KIDINS220: variants seen among roughly 807,000 people sequenced by gnomAD.
KIDINS220 encodes the protein kinase D interacting substrate 220, also known as kinase D-interacting substrate of 220 kDa.
KIDINS220 carries 63 observed loss-of-function variants against 157.6 expected under a neutral mutation model. That is an observed-to-expected ratio of 0.40 (90% CI 0.33 to 0.49). KIDINS220 has a LOEUF of 0.49. KIDINS220 is among the 20% of genes least tolerant of loss of function. The pLI is 0.66. For synonymous variants in KIDINS220, 732 were observed against 783.6 expected (o/e 0.93, Z 1.10); for missense variants, 1,772 against 2,171.2 (o/e 0.82, Z 3.65).
chr2:8,813,298 C>G lies in KIDINS220; in HGVS notation c.344G>C (p.Gly115Ala), dbSNP rs1056481562. Residue 115 changes from glycine to alanine, a missense_variant, in exon 5 of 30, where the codon GGC becomes GCC. By Grantham distance (60) the Gly-to-Ala change is moderately conservative. Around this residue, in one of 3 missense-constraint regions of KIDINS220, gnomAD observed 254 missense variants for 268.6 expected, o/e 0.95. Coordinates refer to ENST00000256707, the MANE Select transcript of KIDINS220 (RefSeq NM_020738.4). Reference sequence around the variant, plus strand: ...AAGCAACTCTACTACGTCAGTACGGCCTTTGTAACATGCCCACATAAGAGC... The same window carrying G: ...AAGCAACTCTACTACGTCAGTACGGGCTTTGTAACATGCCCACATAAGAGC... ...WTALMWACYK[G>A]RTDVVELLLS... is the part of the protein sequence containing the mutation. 6.2e-7 allele frequency: 1 copy of G among 1,613,286 alleles called. No homozygotes were observed. The highest frequency in any genetic ancestry group is 8.5e-7 in the Non-Finnish European group (1 of 1,179,770).
intron 29 of KIDINS220, 139 bp from the exon 30 acceptor site, chr2:8,732,121 T>A: frequency 1.5e-6 from 1 of 660,490 alleles, no homozygotes; most frequent in Non-Finnish European, 2.3e-6. Flanking sequence ...GAATTCTACA[T>A]AACACAGATT....
chr2:8,824,215 G>A (rs1167836343), intron 2 of KIDINS220, among the ~76,000 whole-genome samples: 1 of 152,002 alleles, frequency 6.6e-6, no homozygotes, highest in Admixed American at 6.5e-5. Context: ...AAAAACATTA[G>A]CTATTATTCA....
Position 8,730,585 on chromosome 2 carries a change from CTT to C in KIDINS220, c.*133_*134del. On this transcript the variant is annotated 3_prime_UTR_variant, in exon 30 of 30. Transcript: ENST00000256707. ...CCCTTCTGTCACACTGCAGATGTCTCTTTTACCTCGGCCTCATCATCGGTTAG... is the reference window on the plus strand; with the variant it reads ...CCCTTCTGTCACACTGCAGATGTCTCTTACCTCGGCCTCATCATCGGTTAG... 6.9e-7 allele frequency: 1 copy of C among 1,440,830 alleles called. No individual in the cohort carries two copies. Among genetic ancestry groups the C allele is most frequent in the Non-Finnish European group, 9.1e-7 (1 of 1,104,280 alleles). The allele number at this position is 1,440,830 out of a possible 1,614,324, so 89.3% of individuals were successfully genotyped here.
At chr2:8,746,788 A>G in intron 26 of KIDINS220, 1 of 206,864 alleles carries the variant, frequency 4.8e-6, no homozygotes, top group Non-Finnish European at 9.7e-6. Flanking sequence ...TAGCAACCAC[A>G]GGCTTAACAA....
chr2:8,737,033 A>G (rs1371307927), intron 26 of KIDINS220, 34 bp from the exon 27 acceptor site: 1 of 1,609,638 alleles, frequency 6.2e-7, no homozygotes, highest in Non-Finnish European at 8.5e-7. Context: ...AGGTATGAAT[A>G]AGCATTTAAT....
intron 2 of KIDINS220, among the ~76,000 whole-genome samples, chr2:8,819,990 T>C (rs1207302890): frequency 1.3e-5 from 2 of 152,204 alleles, no homozygotes; most frequent in African/African-American, 4.8e-5. Context: ...TATATTAGTA[T>C]GGAGGGAAAA....
downstream of KIDINS220, among the ~76,000 whole-genome samples, chr2:8,727,489 C>T (rs2147927903): frequency 6.6e-6 from 1 of 152,320 alleles, no homozygotes; most frequent in Non-Finnish European, 1.5e-5. Context: ...CTATGGGATA[C>T]TTCTAAATAG....
At chr2:8,745,027 T>C (rs1017532467) in intron 26 of KIDINS220, among the ~76,000 whole-genome samples, 8 of 152,186 alleles carry the variant, frequency 5.3e-5, no homozygotes, top group Non-Finnish European at 1.2e-4. Flanking sequence ...GATTTCCCCT[T>C]CTCCAAAAAC....
chr2:8,807,962 A>G (rs1675727131), intron 6 of KIDINS220, among the ~76,000 whole-genome samples: 1 of 152,080 alleles, frequency 6.6e-6, no homozygotes, highest in Non-Finnish European at 1.5e-5. Flanking sequence ...TCTCTACTAA[A>G]AATACAAAAA....
chr2:8,783,328 C>G (rs1465732602), intron 17 of KIDINS220, among the ~76,000 whole-genome samples: 2 of 152,016 alleles, frequency 1.3e-5, no homozygotes, highest in African/African-American at 4.8e-5. Flanking sequence ...TAGAGAGGAA[C>G]TTCTTCAACT....
intron 28 of KIDINS220, 71 bp downstream of exon 28, chr2:8,734,584 A>G: frequency 9.1e-7 from 1 of 1,102,534 alleles, no homozygotes; most frequent in Non-Finnish European, 1.3e-6. Context: ...GGTTTTCTAC[A>G]ATGTTATAAA....
intron 4 of KIDINS220, among the ~76,000 whole-genome samples, chr2:8,816,973 C>A (rs1677165075): frequency 6.6e-6 from 1 of 152,174 alleles, no homozygotes; most frequent in Non-Finnish European, 1.5e-5. Context: ...CTTCAAAAAC[C>A]ATCATCAGCT....
chr2:8,774,277 C>T (rs1471060245), intron 21 of KIDINS220, among the ~76,000 whole-genome samples: 2 of 133,954 alleles, frequency 1.5e-5, no homozygotes, highest in South Asian at 2.3e-4. Flanking sequence ...GCCTGGGAGA[C>T]AGGGTGAGAC....
intron 2 of KIDINS220, 69 bp from the exon 3 acceptor site, chr2:8,818,862 T>C (rs1572791610): frequency 4.0e-6 from 3 of 742,958 alleles, no homozygotes; most frequent in South Asian, 3.8e-5. Flanking sequence ...CACAGTTAAA[T>C]ATACCACACA....
At position 8,793,902 on chromosome 2, in the gene KIDINS220, C is replaced by T. The variant is rs1477655273; in HGVS notation, c.1184G>A (p.Arg395Gln). ...TGCTTTGTTGGGCCTATAAAGTAAT[C>T]GCCCATCTTTGGGATTTCTTAAAAG... ...ELLLRNPKDG[R>Q]LLYRPNKAGE... Residue 395 changes from arginine (R) to glutamine (Q), a missense_variant, in exon 12 of 30, where the codon CGA (arginine) becomes CAA (glutamine). By Grantham distance (43) the Arg-to-Gln change is conservative (BLOSUM62 1). Coordinates refer to ENST00000256707, the MANE Select transcript of KIDINS220 (RefSeq NM_020738.4). 5 of 1,613,974 alleles carry T rather than the reference C, an allele frequency of 3.1e-6. No individual in the cohort carries two copies. The highest frequency in any genetic ancestry group is 2.2e-5 in the East Asian group (1 of 44,870).
chr2:8,813,961 A>T (rs2148380803), intron 4 of KIDINS220, among the ~76,000 whole-genome samples: 1 of 152,326 alleles, frequency 6.6e-6, no homozygotes, highest in Admixed American at 6.5e-5. Context: ...ATTTCTTCAG[A>T]AAACTTGCTA....
At chr2:8,808,654 T>C (rs917431694) in intron 6 of KIDINS220, among the ~76,000 whole-genome samples, 10 of 152,248 alleles carry the variant, frequency 6.6e-5, no homozygotes, top group Non-Finnish European at 1.0e-4. Flanking sequence ...CTGGTCTCTA[T>C]CCCTTCTCAA....
intron 1 of KIDINS220, among the ~76,000 whole-genome samples, chr2:8,832,479 T>C (rs1679789433): frequency 6.6e-6 from 1 of 152,172 alleles, no homozygotes; most frequent in African/African-American, 2.4e-5. Context: ...ATAATTCTAC[T>C]TGATAAAATA....
chr2:8,794,496 C>T (rs1341102266), intron 11 of KIDINS220, among the ~76,000 whole-genome samples: 1 of 152,138 alleles, frequency 6.6e-6, no homozygotes. Context: ...CACAGTGAAC[C>T]CTTAAATCTC....
Sources: gnomAD v4.1 joint callset for allele counts (sites outside exome capture counted in the v4.1 genomes callset) on GRCh38, gnomAD v4.1.1 for gene constraint, gnomAD v4.1.1 regional missense constraint, MANE v1.5 for transcripts, NCBI Gene and HGNC (gene_info 2026-07-23, HGNC 2026-07-21) for gene names.